Variants in SPTLC3 observed in about 807,000 individuals in gnomAD.
The protein encoded by SPTLC3 is serine palmitoyltransferase long chain base subunit 3, also known as serine palmitoyltransferase 3.
In SPTLC3, 36 loss-of-function variants were observed where a neutral mutation model predicts 59.3. The observed-to-expected ratio is 0.61, with a 90% confidence interval of 0.47 to 0.80. The LOEUF is 0.80. Ranked by LOEUF, SPTLC3 falls within the 30% of genes least tolerant of loss-of-function variation. The pLI, the probability that SPTLC3 is intolerant of heterozygous loss-of-function variation, is 0.00. For synonymous variants in SPTLC3, 257 were observed against 240.8 expected (o/e 1.07, Z -0.62); for missense variants, 625 against 685.1 (o/e 0.91, Z 0.98).
chr20:13,135,873 G>T (rs531541786), intron 9 of SPTLC3, among the ~76,000 whole-genome samples: 1 of 152,182 alleles, frequency 6.6e-6, no homozygotes, highest in Non-Finnish European at 1.5e-5. Flanking sequence ...AGGCTGGTGG[G>T]ATAATCACCA....
intron 11 of SPTLC3, 41 bp downstream of exon 11, chr20:13,160,173 C>T: frequency 6.4e-7 from 1 of 1,567,928 alleles, no homozygotes; most frequent in Non-Finnish European, 8.7e-7. Flanking sequence ...GTACCAGTAC[C>T]TTGGATTCAA....
At chr20:13,136,049 T>C (rs2038235056) in intron 9 of SPTLC3, among the ~76,000 whole-genome samples, 1 of 152,242 alleles carries the variant, frequency 6.6e-6, no homozygotes. Flanking sequence ...CTGATTTCAG[T>C]AGAATACACC....
chr20:13,146,867 T>C (rs768710191), intron 9 of SPTLC3, among the ~76,000 whole-genome samples: 5 of 152,206 alleles, frequency 3.3e-5, no homozygotes, highest in African/African-American at 4.8e-5. Context: ...CCAACTTTGA[T>C]AATCTCCTAG....
At chr20:13,107,643 C>T (rs1989978729) in intron 6 of SPTLC3, among the ~76,000 whole-genome samples, 1 of 152,100 alleles carries the variant, frequency 6.6e-6, no homozygotes, top group Non-Finnish European at 1.5e-5. Context: ...AACAAAGATC[C>T]ACCATTCTTC....
intron 9 of SPTLC3, among the ~76,000 whole-genome samples, chr20:13,152,399 A>G (rs1458683810): frequency 6.6e-6 from 1 of 152,188 alleles, no homozygotes; most frequent in African/African-American, 2.4e-5. Context: ...ATTTGGTTAT[A>G]AGAGGCAGAA....
At chr20:13,066,028 T>C (rs993811315) in intron 2 of SPTLC3, among the ~76,000 whole-genome samples, 1 of 152,246 alleles carries the variant, frequency 6.6e-6, no homozygotes, top group Non-Finnish European at 1.5e-5. Context: ...GCGTACAACA[T>C]AATTGAAACG....
chr20:13,129,262 A>T (rs1230263056), intron 9 of SPTLC3, among the ~76,000 whole-genome samples: 2 of 152,100 alleles, frequency 1.3e-5, no homozygotes. Context: ...CCAGGCTCCT[A>T]AAGTGCTGGG....
chr20:13,095,525 C>T (rs1989380724), intron 6 of SPTLC3, among the ~76,000 whole-genome samples: 1 of 152,028 alleles, frequency 6.6e-6, no homozygotes. Context: ...TATAAATGAC[C>T]AACTGGGAGA....
chr20:13,014,735 T>G (rs1296045723), intron 1 of SPTLC3, among the ~76,000 whole-genome samples: 1 of 151,690 alleles, frequency 6.6e-6, no homozygotes, highest in Non-Finnish European at 1.5e-5. Flanking sequence ...GGACTGAGAC[T>G]TGTCGGGGAC....
chr20:13,035,881 C>A (rs945305108), intron 1 of SPTLC3, among the ~76,000 whole-genome samples: 8 of 152,116 alleles, frequency 5.3e-5, no homozygotes, highest in Non-Finnish European at 1.2e-4. Context: ...AATTAATTCA[C>A]CCTAATTAAG....
chr20:13,126,545 T>C, intron 8 of SPTLC3, 46 bp from the exon 9 acceptor site: 2 of 1,606,642 alleles, frequency 1.2e-6, no homozygotes, highest in Non-Finnish European at 8.5e-7. Flanking sequence ...ACCACCAGTG[T>C]TGAGATTTAT....
intron 10 of SPTLC3, among the ~76,000 whole-genome samples, chr20:13,158,044 C>T (rs1206838464): frequency 6.6e-6 from 1 of 152,160 alleles, no homozygotes; most frequent in African/African-American, 2.4e-5. Flanking sequence ...TGGTTTTACC[C>T]ATAAAACATA....
At chr20:13,009,523 T>C (rs760267203) in intron 1 of SPTLC3, 139 bp downstream of exon 1, 70 of 781,668 alleles carry the variant, frequency 9.0e-5, no homozygotes, top group Non-Finnish European at 1.3e-4. Flanking sequence ...ACTCTGTTAA[T>C]AGAAAGTGCT....
chr20:13,118,753 G>A (rs1357739732), intron 8 of SPTLC3, among the ~76,000 whole-genome samples: 2 of 152,186 alleles, frequency 1.3e-5, no homozygotes, highest in Non-Finnish European at 2.9e-5. Context: ...TGATGAACAG[G>A]AACAAGAGTT....
At chr20:13,068,360 T>C (rs776197369) in intron 2 of SPTLC3, among the ~76,000 whole-genome samples, 2 of 152,204 alleles carry the variant, frequency 1.3e-5, no homozygotes, top group Non-Finnish European at 2.9e-5. Flanking sequence ...ATTAAGTCTA[T>C]AGATAAATAA....
intron 9 of SPTLC3, among the ~76,000 whole-genome samples, chr20:13,133,927 G>A (rs1250538850): frequency 6.6e-6 from 1 of 152,110 alleles, no homozygotes; most frequent in African/African-American, 2.4e-5. Flanking sequence ...TATTCAAAGG[G>A]CCTCAATCCC....
intron 2 of SPTLC3, among the ~76,000 whole-genome samples, chr20:13,058,068 G>T (rs933307994): frequency 5.3e-5 from 8 of 152,036 alleles, no homozygotes; most frequent in South Asian, 4.2e-4. Flanking sequence ...GTATTTCCTA[G>T]TACCCACACA....
At chr20:13,158,526 C>T (rs1052034124) in intron 10 of SPTLC3, among the ~76,000 whole-genome samples, 1 of 152,186 alleles carries the variant, frequency 6.6e-6, no homozygotes, top group African/African-American at 2.4e-5. Flanking sequence ...GTGGTTTGTA[C>T]TCTAGCAATA....
chr20:13,095,585 C>A (rs1030846983), intron 6 of SPTLC3, among the ~76,000 whole-genome samples: 2 of 152,186 alleles, frequency 1.3e-5, no homozygotes, highest in African/African-American at 4.8e-5. Flanking sequence ...TATTCTCCAG[C>A]TTAAGGCTTT....
Sources: allele counts gnomAD v4.1 joint callset (sites outside exome capture counted in the v4.1 genomes callset), GRCh38; gene constraint gnomAD v4.1.1; transcripts MANE v1.5; gene names NCBI Gene and HGNC (gene_info 2026-07-23, HGNC 2026-07-21).